The following ERMP1 variants were observed in gnomAD, a reference collection of about 807,000 sequenced individuals.
The protein encoded by ERMP1 is Felix-ina.
A neutral mutation model predicts 92.0 loss-of-function variants in ERMP1; 86 were observed. The observed-to-expected ratio is 0.93, with a 90% CI of 0.79 to 1.12. The LOEUF (loss-of-function observed/expected upper bound fraction) is 1.12, where lower values mean the gene tolerates loss of function less well. Among genes scored for constraint, ERMP1 ranks in the 50% most tolerant of loss-of-function variants. The pLI is 0.00. For synonymous variants in ERMP1, 530 were observed against 412.8 expected, an observed-to-expected ratio of 1.28 and a Z score of -3.44; for missense variants, 1,342 against 1,116.3, an observed-to-expected ratio of 1.20 and a Z score of -2.88.
chr9:5,794,098 G>C (rs1828312699), intron 13 of ERMP1, among the ~76,000 whole-genome samples: 1 of 152,000 alleles, frequency 6.6e-6, no homozygotes, highest in Non-Finnish European at 1.5e-5. Flanking sequence ...TATGCTCTCA[G>C]ACCACAATGA....
chr9:5,830,692 G>C, intron 2 of ERMP1, 35 bp downstream of exon 2: 1 of 1,545,892 alleles, frequency 6.5e-7, no homozygotes, highest in Admixed American at 1.9e-5. Flanking sequence ...TCTGGGCTGT[G>C]ACAAGTTCCA....
chr9:5,861,195 G>GTGTGTGTGTGTGTA (rs1554630212), intron 5 of ERMP1, among the ~76,000 whole-genome samples: 132 of 107,974 alleles, frequency 1.2e-3, no homozygotes, highest in Middle Eastern at 4.4e-3. Context: ...GTGTGTGTGT[G>GTGTGTGTGTGTGTA]TGTGTGTGTG....
intron 4 of ERMP1, among the ~76,000 whole-genome samples, chr9:5,814,329 T>C (rs931551193): frequency 1.3e-5 from 2 of 152,188 alleles, no homozygotes; most frequent in Non-Finnish European, 2.9e-5. Context: ...TTGGGGTTGT[T>C]ACCACAAAAC....
intron 10 of ERMP1, among the ~76,000 whole-genome samples, chr9:5,802,297 A>G (rs1234974638): frequency 6.6e-6 from 1 of 152,200 alleles, no homozygotes; most frequent in East Asian, 1.9e-4. Flanking sequence ...TACTATAGAC[A>G]TGAAATCTAA....
At chr9:5,834,977 A>AT (rs566472107), upstream of ERMP1, among the ~76,000 whole-genome samples, 2 of 125,086 alleles carry the variant, frequency 1.6e-5, no homozygotes, top group Non-Finnish European at 3.3e-5. Flanking sequence ...GGATAGATAG[A>AT]TGTGTGTGTG....
chr9:5,827,391 C>T (rs564762407), intron 2 of ERMP1, among the ~76,000 whole-genome samples: 6 of 152,192 alleles, frequency 3.9e-5, no homozygotes, highest in African/African-American at 1.2e-4. Context: ...AAAAATCTCA[C>T]GTTTTGAGAA....
At chr9:5,840,236 C>T (rs780225156) in intron 6 of ERMP1, among the ~76,000 whole-genome samples, 4 of 150,204 alleles carry the variant, frequency 2.7e-5, no homozygotes, top group African/African-American at 4.9e-5. Flanking sequence ...AGTGAGACTT[C>T]GTCAAAAAAG....
chr9:5,842,084 C>G (rs1830171597), intron 6 of ERMP1, among the ~76,000 whole-genome samples: 8 of 152,042 alleles, frequency 5.3e-5, no homozygotes, highest in Admixed American at 5.2e-4. Context: ...AAAGAGTGAG[C>G]AGCAGCAAGA....
chr9:5,844,458 A>G (rs898098144), intron 6 of ERMP1, among the ~76,000 whole-genome samples: 24 of 152,118 alleles, frequency 1.6e-4, no homozygotes, highest in African/African-American at 5.1e-4. Context: ...TATTTTTAGT[A>G]GAGATGGTGT....
intron 2 of ERMP1, among the ~76,000 whole-genome samples, chr9:5,830,321 C>T (rs1297511319): frequency 3.3e-5 from 5 of 152,220 alleles, no homozygotes; most frequent in African/African-American, 9.6e-5. Flanking sequence ...ATGCAGTAAC[C>T]CTTGAAGGCA....
At chr9:5,843,307 G>C (rs1586835985) in intron 6 of ERMP1, among the ~76,000 whole-genome samples, 5 of 152,162 alleles carry the variant, frequency 3.3e-5, no homozygotes, top group Non-Finnish European at 4.4e-5. Flanking sequence ...CAGAAACTCA[G>C]ATATTTATGT....
chr9:5,842,481 G>A (rs952725253), intron 6 of ERMP1, among the ~76,000 whole-genome samples: 11 of 150,656 alleles, frequency 7.3e-5, no homozygotes, highest in African/African-American at 2.2e-4. Context: ...AAAAGAAAAT[G>A]TTTTGGAACT....
chr9:5,805,830 G>A (rs368349035), intron 8 of ERMP1, 45 bp from the exon 9 acceptor site: 11 of 1,422,924 alleles, frequency 7.7e-6, no homozygotes, highest in Non-Finnish European at 9.4e-6. Flanking sequence ...CAGGGGTCAT[G>A]CATAAAGAGC....
intron 11 of ERMP1, among the ~76,000 whole-genome samples, chr9:5,800,110 ATATG>A (rs1404912606): frequency 2.0e-5 from 3 of 152,190 alleles, no homozygotes; most frequent in African/African-American, 7.2e-5. Flanking sequence ...CCTTAAGGGT[ATATG>A]TTATCTTGAA....
At chr9:5,839,904 C>T (rs1411983238) in intron 6 of ERMP1, among the ~76,000 whole-genome samples, 1 of 152,178 alleles carries the variant, frequency 6.6e-6, no homozygotes, top group African/African-American at 2.4e-5. Context: ...AAAAATCATC[C>T]TCCTGTGTCC....
chr9:5,861,205 G>GTGTA (rs1161519318), intron 5 of ERMP1, among the ~76,000 whole-genome samples: 2 of 146,240 alleles, frequency 1.4e-5, no homozygotes, highest in Non-Finnish European at 3.1e-5. Flanking sequence ...GTGTGTGTGT[G>GTGTA]TGTGTGTGTG....
chr9:5,808,236 A>G (rs189750271), intron 8 of ERMP1, among the ~76,000 whole-genome samples: 1 of 152,280 alleles, frequency 6.6e-6, no homozygotes, highest in African/African-American at 2.4e-5. Flanking sequence ...AAGTGTTACG[A>G]TCAGACAACT....
At chr9:5,839,841 C>T (rs1011108875) in intron 6 of ERMP1, among the ~76,000 whole-genome samples, 10 of 152,180 alleles carry the variant, frequency 6.6e-5, no homozygotes, top group African/African-American at 2.4e-4. Context: ...AAATATCTCT[C>T]AAAGTGTGGT....
intron 2 of ERMP1, among the ~76,000 whole-genome samples, chr9:5,828,204 C>G (rs1014564893): frequency 4.6e-5 from 7 of 152,314 alleles, no homozygotes; most frequent in Non-Finnish European, 1.0e-4. Flanking sequence ...AATTATTAGA[C>G]TCCACATATA....
Sources: gnomAD v4.1 joint callset for allele counts (sites outside exome capture counted in the v4.1 genomes callset) on GRCh38, gnomAD v4.1.1 for gene constraint, MANE v1.5 for transcripts, NCBI Gene and HGNC (gene_info 2026-07-23, HGNC 2026-07-21) for gene names.